Variants in GRM8 observed in about 807,000 individuals in gnomAD.
GRM8 encodes the protein glutamate metabotropic receptor 8.
A neutral mutation model predicts 87.2 loss-of-function variants in GRM8; 47 were observed. That is an observed-to-expected ratio of 0.54 (90% CI 0.43 to 0.69). The LOEUF is 0.69. GRM8 is among the 30% of genes least tolerant of loss of function. The pLI is 0.00. For synonymous variants in GRM8, 396 were observed against 404.5 expected, an observed-to-expected ratio of 0.98 and a Z score of 0.25; for missense variants, 1,019 against 1,139.2, an observed-to-expected ratio of 0.89 and a Z score of 1.52.
intron 3 of GRM8, among the ~76,000 whole-genome samples, chr7:127,088,903 G>A (rs577274332): frequency 1.3e-5 from 2 of 152,350 alleles, no homozygotes; most frequent in Non-Finnish European, 2.9e-5. Context: ...TTGCTTGAGT[G>A]ATGAACTGTC....
rs76724066 is a variant in GRM8, at chr7:126,578,982, T to C, written c.1494+30380A>G. Among the ~76,000 whole-genome samples the C allele has an allele frequency of 4.1e-4, 63 of 152,294 alleles. No individual in the cohort carries two copies. The East Asian group carries it at 0.011, about 26-fold the overall frequency. ...TAACCCACATTTACTGAGAATCTACTCTGTGTGCCAGTAATAGTACCAGAC... is the reference window on the plus strand; with the variant it reads ...TAACCCACATTTACTGAGAATCTACCCTGTGTGCCAGTAATAGTACCAGAC... On this transcript the variant is annotated intron_variant, in intron 8 of 10. Coordinates refer to ENST00000339582, the MANE Select transcript of GRM8 (RefSeq NM_000845.3).
chr7:126,828,275 T>G (rs545149644), intron 6 of GRM8, among the ~76,000 whole-genome samples: 1 of 152,320 alleles, frequency 6.6e-6, no homozygotes, highest in South Asian at 2.1e-4. Context: ...TAGAATAGTT[T>G]CAGAAAGAAT....
intron 7 of GRM8, among the ~76,000 whole-genome samples, chr7:126,737,381 C>T (rs1814356516): frequency 1.3e-5 from 2 of 152,032 alleles, no homozygotes; most frequent in South Asian, 4.2e-4. Flanking sequence ...TTCCAACTTA[C>T]TGGCACCCCC....
chr7:126,668,183 C>T (rs960123192), intron 7 of GRM8, among the ~76,000 whole-genome samples: 2 of 152,114 alleles, frequency 1.3e-5, no homozygotes, highest in African/African-American at 2.4e-5. Flanking sequence ...GTGAGAGTCC[C>T]TGTTTACCCC....
At chr7:126,861,092 G>A (rs368301795) in intron 6 of GRM8, among the ~76,000 whole-genome samples, 2 of 152,144 alleles carry the variant, frequency 1.3e-5, no homozygotes, top group East Asian at 3.9e-4. Flanking sequence ...TTCTCCTGCT[G>A]TTAGATCATG....
intron 6 of GRM8, among the ~76,000 whole-genome samples, chr7:126,899,679 C>T (rs1801877532): frequency 6.6e-6 from 1 of 151,936 alleles, no homozygotes; most frequent in Admixed American, 6.6e-5. Flanking sequence ...AATGCCTCTC[C>T]TTAAAGTTTC....
intron 3 of GRM8, among the ~76,000 whole-genome samples, chr7:127,048,000 T>C (rs1474040875): frequency 6.6e-6 from 1 of 152,224 alleles, no homozygotes; most frequent in Non-Finnish European, 1.5e-5. Context: ...TATTGAATGC[T>C]ATTTGCAAGG....
chr7:126,539,110 T>A (rs1816220884), intron 8 of GRM8, among the ~76,000 whole-genome samples: 1 of 151,958 alleles, frequency 6.6e-6, no homozygotes, highest in African/African-American at 2.4e-5. Context: ...TCCAGATCTA[T>A]ATAACCTTTA....
At chr7:126,878,953 A>G (rs986926205) in intron 6 of GRM8, among the ~76,000 whole-genome samples, 2 of 150,600 alleles carry the variant, frequency 1.3e-5, no homozygotes, top group Non-Finnish European at 3.0e-5. Context: ...ACCTGAGGTC[A>G]GGAGTTCGAG....
intron 7 of GRM8, among the ~76,000 whole-genome samples, chr7:126,664,296 C>T (rs953171348): frequency 2.0e-5 from 3 of 152,108 alleles, no homozygotes; most frequent in African/African-American, 7.2e-5. Flanking sequence ...TTCTAAAATT[C>T]ATATGGAACC....
chr7:126,550,588 C>G (rs1792484718), intron 8 of GRM8, among the ~76,000 whole-genome samples: 1 of 151,944 alleles, frequency 6.6e-6, no homozygotes, highest in African/African-American at 2.4e-5. Flanking sequence ...TCCAATTAGT[C>G]AGGTCAAAAG....
At chr7:127,179,321 T>C (rs982261390) in intron 2 of GRM8, among the ~76,000 whole-genome samples, 1 of 152,054 alleles carries the variant, frequency 6.6e-6, no homozygotes, top group African/African-American at 2.4e-5. Flanking sequence ...TAAACATATA[T>C]GCACCTAACA....
At chr7:126,489,658 A>T (rs1807777733) in intron 9 of GRM8, among the ~76,000 whole-genome samples, 1 of 152,052 alleles carries the variant, frequency 6.6e-6, no homozygotes, top group Non-Finnish European at 1.5e-5. Flanking sequence ...TTTTACCCTC[A>T]TCCACAGCAA....
At chr7:126,582,798 T>A in intron 8 of GRM8, among the ~76,000 whole-genome samples, 1 of 152,188 alleles carries the variant, frequency 6.6e-6, no homozygotes. Flanking sequence ...TTACCCAGGT[T>A]CTCACTCAGG....
At chr7:127,238,151 G>A (rs1018331001) in intron 2 of GRM8, among the ~76,000 whole-genome samples, 1 of 152,130 alleles carries the variant, frequency 6.6e-6, no homozygotes, top group Non-Finnish European at 1.5e-5. Flanking sequence ...CCTCTGTATA[G>A]GATGGAGCTG....
intron 3 of GRM8, among the ~76,000 whole-genome samples, chr7:127,078,160 G>A (rs1822484842): frequency 6.6e-6 from 1 of 152,186 alleles, no homozygotes; most frequent in Admixed American, 6.5e-5. Context: ...TTAGAACGTG[G>A]CAATAGTTTA....
intron 7 of GRM8, among the ~76,000 whole-genome samples, chr7:126,759,123 C>G (rs974507184): frequency 6.6e-6 from 1 of 152,022 alleles, no homozygotes; most frequent in Admixed American, 6.6e-5. Flanking sequence ...GTCTCAAACT[C>G]CTGACTTCAA....
rs547600850 is a variant in GRM8 at position 127,034,172 on chromosome 7, A to G, written c.727+72324T>C. On this transcript the variant is annotated intron_variant, in intron 3 of 10. Transcript: ENST00000339582. The stretch of plus-strand genomic sequence containing the variant: ...ATTTTCTTTTCATGTACTTTAATTT[A>G]GGAGTTGCAAACCAACCATGCTAAG... Among the ~76,000 whole-genome samples the G allele has an allele frequency of 1.2e-4, 18 of 152,326 alleles. No individual in the cohort carries two copies. The South Asian group carries it at 3.7e-3, about 32-fold the overall frequency.
intron 9 of GRM8, among the ~76,000 whole-genome samples, chr7:126,498,600 G>T (rs561563803): frequency 3.3e-5 from 5 of 151,942 alleles, no homozygotes; most frequent in African/African-American, 1.2e-4. Context: ...AAAGTGGGGG[G>T]ACATGTACTG....
Sources: allele counts gnomAD v4.1 joint callset (sites outside exome capture counted in the v4.1 genomes callset), GRCh38; gene constraint gnomAD v4.1.1; transcripts MANE v1.5; gene names NCBI Gene and HGNC (gene_info 2026-07-23, HGNC 2026-07-21).